KCNG3: variants seen among roughly 807,000 people sequenced by gnomAD.
The protein encoded by KCNG3 is potassium voltage-gated channel modifier subfamily G member 3.
KCNG3 carries 15 observed loss-of-function variants against 29.0 expected under a neutral mutation model. The ratio of observed to expected loss-of-function variants is 0.52; its 90% CI spans 0.35 to 0.80. The LOEUF is 0.80. Ranked by LOEUF, KCNG3 falls within the 30% of genes least tolerant of loss-of-function variation. The pLI is 0.01. For missense variants in KCNG3, 512 were observed against 605.7 expected (o/e 0.85, Z 1.62); for synonymous variants, 322 against 248.9 (o/e 1.29, Z -2.76).
chr2:42,446,500 T>A (rs2103664324), intron 1 of KCNG3, among the ~76,000 whole-genome samples: 1 of 152,184 alleles, frequency 6.6e-6, no homozygotes, highest in Middle Eastern at 3.4e-3. Context: ...ACATTCGAAA[T>A]TAAAATTTAT....
At chr2:42,396,602 G>A in the KCNG3 span, among the ~76,000 whole-genome samples, 2 of 152,290 alleles carry the variant, frequency 1.3e-5, no homozygotes, top group African/African-American at 4.8e-5. Flanking sequence ...AAGGGCCAGT[G>A]AGAGCTGGGG....
At chr2:42,391,882 G>C in the KCNG3 span, among the ~76,000 whole-genome samples, 4 of 151,912 alleles carry the variant, frequency 2.6e-5, no homozygotes, top group Non-Finnish European at 5.9e-5. Flanking sequence ...GATTACAGGC[G>C]TGAGCCACCG....
chr2:42,450,867 G>A (rs1672731029), intron 1 of KCNG3, among the ~76,000 whole-genome samples: 1 of 152,140 alleles, frequency 6.6e-6, no homozygotes, highest in South Asian at 2.1e-4. Context: ...AAGCTAAAAG[G>A]AGCATTTGGA....
the KCNG3 span, among the ~76,000 whole-genome samples, chr2:42,425,940 C>T: frequency 1.6e-3 from 245 of 152,268 alleles, 7 homozygotes; most frequent in East Asian, 0.04. Context: ...CTGAAGTTGA[C>T]GCAATAGATA....
the KCNG3 span, among the ~76,000 whole-genome samples, chr2:42,400,621 T>A: frequency 6.6e-6 from 1 of 152,308 alleles, no homozygotes; most frequent in Non-Finnish European, 1.5e-5. Context: ...ATAGTTTTTA[T>A]TAAGATCTTG....
chr2:42,474,066 C>A (rs1051381692), intron 1 of KCNG3, among the ~76,000 whole-genome samples: 1 of 151,710 alleles, frequency 6.6e-6, no homozygotes, highest in African/African-American at 2.4e-5. Flanking sequence ...GCAGGAGAAT[C>A]GCTTGAACCC....
chr2:42,479,997 C>T (rs12464499), intron 1 of KCNG3, among the ~76,000 whole-genome samples: 3 of 152,032 alleles, frequency 2.0e-5, no homozygotes, highest in African/African-American at 7.3e-5. Context: ...GCCTGGGTGA[C>T]AGAGCAAGAC....
intron 1 of KCNG3, among the ~76,000 whole-genome samples, chr2:42,488,278 C>T (rs1357853915): frequency 6.6e-6 from 1 of 152,168 alleles, no homozygotes; most frequent in Non-Finnish European, 1.5e-5. Flanking sequence ...TTAGATTGTG[C>T]ACTGTGCCAA....
intron 1 of KCNG3, chr2:42,470,163 T>TA (rs1673251634): frequency 7.0e-6 from 3 of 426,364 alleles, no homozygotes; most frequent in Admixed American, 3.4e-5. Context: ...CTGATTCTGA[T>TA]AGAGCGTCAG....
the KCNG3 span, among the ~76,000 whole-genome samples, chr2:42,427,159 C>T: frequency 6.6e-6 from 1 of 152,102 alleles, no homozygotes; most frequent in Non-Finnish European, 1.5e-5. Flanking sequence ...AAGGCTACTT[C>T]GATGTATTTT....
chr2:42,481,974 C>T (rs759229607), intron 1 of KCNG3, among the ~76,000 whole-genome samples: 1 of 152,164 alleles, frequency 6.6e-6, no homozygotes, highest in African/African-American at 2.4e-5. Flanking sequence ...TCTCTAATCC[C>T]ATGAAAGATA....
At chr2:42,475,323 CTTTT>C (rs11365655) in intron 1 of KCNG3, among the ~76,000 whole-genome samples, 12 of 104,700 alleles carry the variant, frequency 1.1e-4, no homozygotes, top group African/African-American at 3.4e-4. Flanking sequence ...GCCTCTGTCT[CTTTT>C]TTTTTTTTTT....
chr2:42,473,229 T>G (rs934095408), intron 1 of KCNG3, among the ~76,000 whole-genome samples: 7 of 152,078 alleles, frequency 4.6e-5, no homozygotes, highest in Non-Finnish European at 8.8e-5. Context: ...ATTTCTTTAA[T>G]TGGGTAGTGG....
chr2:42,437,639 T>TA (rs773612631), downstream of KCNG3, among the ~76,000 whole-genome samples: 44 of 152,212 alleles, frequency 2.9e-4, no homozygotes, highest in Non-Finnish European at 6.0e-4. Flanking sequence ...GGTATGGTTT[T>TA]AAAAAATAAA....
intron 1 of KCNG3, among the ~76,000 whole-genome samples, chr2:42,489,030 C>G (rs188238990): frequency 7.2e-4 from 109 of 152,048 alleles, no homozygotes; most frequent in African/African-American, 2.5e-3. Context: ...CACAGTGGCT[C>G]ACACCTGTAA....
the KCNG3 span, among the ~76,000 whole-genome samples, chr2:42,433,341 T>C: frequency 1.3e-5 from 2 of 152,160 alleles, no homozygotes; most frequent in Non-Finnish European, 2.9e-5. Flanking sequence ...AACAGGTAAA[T>C]TATTACTGCT....
chr2:42,405,296 T>A, the KCNG3 span, among the ~76,000 whole-genome samples: 1 of 152,206 alleles, frequency 6.6e-6, no homozygotes, highest in Non-Finnish European at 1.5e-5. Context: ...TTGGCAGATG[T>A]CTATTTTGTC....
chr2:42,389,397 A>T, the KCNG3 span, among the ~76,000 whole-genome samples: 11 of 152,308 alleles, frequency 7.2e-5, no homozygotes, highest in African/African-American at 2.4e-4. Context: ...AACTTTACTC[A>T]GAGTGCTGAA....
the KCNG3 span, among the ~76,000 whole-genome samples, chr2:42,411,381 G>A: frequency 1.6e-4 from 25 of 152,198 alleles, no homozygotes; most frequent in Non-Finnish European, 2.8e-4. Flanking sequence ...TCTTTATGAG[G>A]CTTAGTCTTC....
Sources: allele counts gnomAD v4.1 joint callset (sites outside exome capture counted in the v4.1 genomes callset), GRCh38; gene constraint gnomAD v4.1.1; transcripts MANE v1.5; gene names NCBI Gene and HGNC (gene_info 2026-07-23, HGNC 2026-07-21).